Variants in KATNIP observed in about 807,000 individuals in gnomAD.
The protein encoded by KATNIP is katanin-interacting protein.
In KATNIP, 126 loss-of-function variants were observed where a neutral mutation model predicts 174.0. That is an observed-to-expected ratio of 0.72 (90% CI 0.63 to 0.84). The LOEUF is 0.84. Ranked by LOEUF, KATNIP falls within the 40% of genes least tolerant of loss-of-function variation. KATNIP has a pLI of 0.00. For missense variants in KATNIP, 1,958 were observed against 2,109.7 expected (o/e 0.93, Z 1.41); for synonymous variants, 810 against 835.7 (o/e 0.97, Z 0.53).
At chr16:27,669,212 A>G in intron 6 of KATNIP, 3 of 869,336 alleles carry the variant, frequency 3.5e-6, no homozygotes, top group Non-Finnish European at 1.4e-6. Flanking sequence ...CATAGAAGGC[A>G]TTAATTCACT....
intron 5 of KATNIP, among the ~76,000 whole-genome samples, chr16:27,632,068 G>A (rs190190931): frequency 6.6e-6 from 1 of 152,326 alleles, no homozygotes; most frequent in Non-Finnish European, 1.5e-5. Context: ...CTAAGAAGTG[G>A]CAGAATCAAG....
intron 6 of KATNIP, among the ~76,000 whole-genome samples, chr16:27,652,202 A>G (rs565506166): frequency 9.2e-5 from 14 of 152,324 alleles, no homozygotes; most frequent in African/African-American, 3.1e-4. Context: ...GAAAAATAAA[A>G]TAGGAAGGGG....
intron 3 of KATNIP, among the ~76,000 whole-genome samples, chr16:27,624,959 A>G (rs893553157): frequency 1.3e-5 from 2 of 152,200 alleles, no homozygotes; most frequent in African/African-American, 4.8e-5. Flanking sequence ...AACATTAGCC[A>G]GTGATAGTGT....
chr16:27,568,796 G>A (rs1038027441), intron 1 of KATNIP, among the ~76,000 whole-genome samples: 4 of 152,084 alleles, frequency 2.6e-5, no homozygotes, highest in African/African-American at 9.7e-5. Flanking sequence ...CTCTTGTGAT[G>A]GGGAGGCCCT....
chr16:27,576,902 C>T (rs4787430), intron 2 of KATNIP, among the ~76,000 whole-genome samples: 123,837 of 151,950 alleles, frequency 0.81, 50,890 homozygotes, highest in East Asian at 1. Context: ...GTGTGGCCAG[C>T]GCACTCCCTG....
intron 14 of KATNIP, among the ~76,000 whole-genome samples, chr16:27,722,879 TTTAAG>T (rs1383291819): frequency 6.6e-6 from 1 of 152,240 alleles, no homozygotes; most frequent in Non-Finnish European, 1.5e-5. Flanking sequence ...CAGTAGCTAA[TTTAAG>T]TTCTTTTTAA....
At chr16:27,675,719 G>C (rs570711727) in intron 6 of KATNIP, among the ~76,000 whole-genome samples, 24 of 152,118 alleles carry the variant, frequency 1.6e-4, no homozygotes, top group Non-Finnish European at 3.1e-4. Context: ...CTCCCATTCA[G>C]TCCAAGCTGG....
chr16:27,772,645 G>C (rs188437996), intron 22 of KATNIP, among the ~76,000 whole-genome samples: 1 of 152,330 alleles, frequency 6.6e-6, no homozygotes, highest in East Asian at 1.9e-4. Context: ...GAAAGGGATG[G>C]AGGAGGTTGC....
rs558319877 is a variant in KATNIP at position 27,697,761 on chromosome 16, C to T, written c.941-567C>T. On this transcript the variant is annotated intron_variant, in intron 8 of 27. Coordinates refer to ENST00000261588, the MANE Select transcript of KATNIP (RefSeq NM_015202.5). The stretch of plus-strand genomic sequence containing the variant: ...TAAATATTTGAGATGAAGTTGCAGA[C>T]ATCATTCCCCTTTACCCCTGAACTG... 5.3e-5 allele frequency among the ~76,000 whole-genome samples: 8 copies of T among 152,058 alleles called. No homozygotes were observed. The East Asian group carries it at 1.5e-3, about 29-fold the overall frequency.
intron 6 of KATNIP, among the ~76,000 whole-genome samples, chr16:27,663,933 C>T (rs1288983577): frequency 1.3e-5 from 2 of 151,602 alleles, no homozygotes; most frequent in Non-Finnish European, 1.5e-5. Context: ...GCCTCAACCT[C>T]GCAAGCCGCT....
chr16:27,719,362 A>C (rs1406105416), intron 13 of KATNIP, among the ~76,000 whole-genome samples: 2 of 151,536 alleles, frequency 1.3e-5, no homozygotes, highest in African/African-American at 4.9e-5. Context: ...GTTTGGAGAA[A>C]TCTCCCCCCT....
At chr16:27,650,791 A>T (rs1276825562) in intron 6 of KATNIP, among the ~76,000 whole-genome samples, 1 of 152,252 alleles carries the variant, frequency 6.6e-6, no homozygotes, top group Non-Finnish European at 1.5e-5. Context: ...AAAACAGAAT[A>T]TAAAAGTCGT....
chr16:27,617,254 C>T (rs57205219), intron 2 of KATNIP, among the ~76,000 whole-genome samples: 2,380 of 152,226 alleles, frequency 0.016, 59 homozygotes, highest in African/African-American at 0.053. Flanking sequence ...AATCCAGGGA[C>T]TCAAATTATG....
chr16:27,648,619 A>C lies in KATNIP; in HGVS notation c.424A>C (p.Arg142=). The C allele has an allele frequency of 1.9e-6, 3 of 1,614,212 alleles. No homozygotes were observed. In the African/African-American group the frequency reaches 4.0e-5, roughly 22 times the overall value. ...RGWHQKSVQI[R]TEAGPRLHIE... ...TTTTGTACAGAAATCTGTGCAGATC[A>C]GAACAGAAGCTGGCCCACGGCTCCA... The change falls in exon 6 of 28, where the codon AGA becomes CGA. Residue 142 remains arginine (R), a synonymous_variant. Coordinates refer to ENST00000261588, the MANE Select transcript of KATNIP (RefSeq NM_015202.5).
chr16:27,660,148 A>G (rs370138812), intron 6 of KATNIP: 3 of 222,592 alleles, frequency 1.3e-5, no homozygotes, highest in Non-Finnish European at 2.3e-5. Context: ...TGGGGCCCCC[A>G]TTTCCTCCTT....
intron 3 of KATNIP, among the ~76,000 whole-genome samples, chr16:27,623,771 G>A (rs1198463498): frequency 6.6e-6 from 1 of 152,090 alleles, no homozygotes; most frequent in East Asian, 1.9e-4. Context: ...GAACCATGTG[G>A]TTCATCTATA....
rs781416351 is a variant in KATNIP, at chr16:27,677,887, C to T, written c.699C>T (p.Ser233=). 4.3e-6 allele frequency: 7 copies of T among 1,614,188 alleles called. No homozygotes were observed. In the African/African-American group the frequency reaches 8.0e-5, roughly 18 times the overall value. Residue 233 remains serine (S), a synonymous_variant, in exon 7 of 28, where the codon TCC becomes TCT. Coordinates refer to ENST00000261588, the MANE Select transcript of KATNIP (RefSeq NM_015202.5). The part of the protein sequence containing the change: ...VGHPRHDRPP[S]SGDWTQKDVH... ...ATCCCAGACATGACCGCCCTCCTTC[C>T]AGTGGCGACTGGACTCAGAAAGATG...
At chr16:27,625,811 T>C (rs190827319) in intron 3 of KATNIP, among the ~76,000 whole-genome samples, 1 of 152,110 alleles carries the variant, frequency 6.6e-6, no homozygotes, top group Admixed American at 6.6e-5. Context: ...TTACTACATA[T>C]GCCTTTTTCT....
intron 2 of KATNIP, among the ~76,000 whole-genome samples, chr16:27,597,098 C>T (rs910092887): frequency 2.0e-5 from 3 of 152,164 alleles, no homozygotes; most frequent in Non-Finnish European, 4.4e-5. Context: ...GAGGCTGAGG[C>T]AGGAGGATTG....
Sources: gnomAD v4.1 joint callset for allele counts (sites outside exome capture counted in the v4.1 genomes callset) on GRCh38, gnomAD v4.1.1 for gene constraint, MANE v1.5 for transcripts, NCBI Gene and HGNC (gene_info 2026-07-23, HGNC 2026-07-21) for gene names.